The following LIN28B variants were observed in gnomAD, a reference collection of about 807,000 sequenced individuals.
LIN28B encodes lin-28 RNA binding posttranscriptional regulator B.
Under a neutral mutation model 21.9 loss-of-function variants are expected in LIN28B, and 5 were observed. That is an observed-to-expected ratio of 0.23 (90% CI 0.12 to 0.48). LIN28B has a LOEUF of 0.48. Ranked by LOEUF, LIN28B falls within the 20% of genes least tolerant of loss-of-function variation. The pLI is 0.98. For missense variants in LIN28B, 245 were observed against 310.5 expected (o/e 0.79, Z 1.58); for synonymous variants, 109 against 111.3 (o/e 0.98, Z 0.13).
intron 2 of LIN28B, among the ~76,000 whole-genome samples, chr6:105,010,493 T>G (rs944134429): frequency 6.6e-5 from 10 of 152,214 alleles, no homozygotes; most frequent in Non-Finnish European, 1.2e-4. Flanking sequence ...TTTTCTAATA[T>G]TTTTAAAATT....
intron 3 of LIN28B, among the ~76,000 whole-genome samples, chr6:105,032,387 T>G (rs945777584): frequency 2.0e-5 from 3 of 152,148 alleles, no homozygotes; most frequent in Admixed American, 1.3e-4. Context: ...TATGTGAGAG[T>G]TCGAACTGCC....
At chr6:105,067,848 C>G (rs1055441941) in intron 3 of LIN28B, among the ~76,000 whole-genome samples, 1 of 151,980 alleles carries the variant, frequency 6.6e-6, no homozygotes, top group Non-Finnish European at 1.5e-5. Flanking sequence ...ATTGAAGTAC[C>G]CTTATATGAA....
At chr6:105,040,944 T>C (rs1771620177) in intron 3 of LIN28B, among the ~76,000 whole-genome samples, 1 of 152,154 alleles carries the variant, frequency 6.6e-6, no homozygotes, top group Non-Finnish European at 1.5e-5. Flanking sequence ...GTTCTCTCAC[T>C]CTGGTTGCCC....
intron 2 of LIN28B, among the ~76,000 whole-genome samples, chr6:104,978,284 T>C (rs59748651): frequency 0.022 from 3,415 of 152,296 alleles, 151 homozygotes; most frequent in African/African-American, 0.079. Context: ...AATTCTCTTT[T>C]TAAGTCCAAA....
At chr6:105,024,164 A>AT (rs1378305202) in intron 2 of LIN28B, among the ~76,000 whole-genome samples, 4 of 151,720 alleles carry the variant, frequency 2.6e-5, no homozygotes, top group Admixed American at 6.6e-5. Flanking sequence ...AATTTTTTGT[A>AT]TTTTTTTAGT....
intron 3 of LIN28B, among the ~76,000 whole-genome samples, chr6:105,066,623 A>G (rs769942415): frequency 6.6e-6 from 1 of 152,322 alleles, no homozygotes; most frequent in African/African-American, 2.4e-5. Context: ...TCACTATTTT[A>G]TAGTCCTTAT....
intron 2 of LIN28B, among the ~76,000 whole-genome samples, chr6:104,959,172 T>TA (rs947895089): frequency 2.0e-5 from 3 of 152,136 alleles, no homozygotes; most frequent in African/African-American, 7.2e-5. Flanking sequence ...CCCTTTATAG[T>TA]AAAAAAGATA....
intron 2 of LIN28B, among the ~76,000 whole-genome samples, chr6:105,024,369 C>T (rs1228475637): frequency 6.6e-6 from 1 of 152,048 alleles, no homozygotes; most frequent in African/African-American, 2.4e-5. Flanking sequence ...TTTCTTTGTT[C>T]TCATAATTTC....
At chr6:105,062,868 AT>A (rs1318604687) in intron 3 of LIN28B, among the ~76,000 whole-genome samples, 2 of 151,986 alleles carry the variant, frequency 1.3e-5, no homozygotes, top group African/African-American at 4.8e-5. Context: ...GATCAATTTG[AT>A]TGATTTTTTT....
chr6:104,970,945 T>A lies in LIN28B; in HGVS notation c.198+12659T>A, dbSNP rs147877215. 8.5e-3 allele frequency among the ~76,000 whole-genome samples: 1,299 copies of A among 152,282 alleles called. 18 individuals carry two copies. The highest frequency in any genetic ancestry group is 0.03 in the African/African-American group (1,240 of 41,570). On this transcript the variant is annotated intron_variant, in intron 2 of 3. Coordinates refer to ENST00000345080, the MANE Select transcript of LIN28B (RefSeq NM_001004317.4). ...ATAAAGTTAAATGAGGATAAGTGTT[T>A]GATGCTTATTCCTAATTTGGTGACT...
intron 3 of LIN28B, among the ~76,000 whole-genome samples, chr6:105,072,218 T>G (rs2114418014): frequency 6.6e-6 from 1 of 152,264 alleles, no homozygotes; most frequent in East Asian, 1.9e-4. Context: ...GAAGTGAAAT[T>G]TAATTGCTTT....
chr6:105,012,415 G>C lies in LIN28B; in HGVS notation c.199-13883G>C, dbSNP rs181995040. On this transcript the variant is annotated intron_variant, in intron 2 of 3. Coordinates refer to ENST00000345080, the MANE Select transcript of LIN28B (RefSeq NM_001004317.4). ...ACCCGGGAGGTGGAGGTTGCAGTGA[G>C]CTGAGATCACACCATTGCACTCCAG... Among the ~76,000 whole-genome samples, 455 of 151,798 alleles carry C rather than the reference G, an allele frequency of 3.0e-3. 3 individuals are homozygous for C. The highest frequency in any genetic ancestry group is 0.01 in the African/African-American group (422 of 41,378).
intron 2 of LIN28B, among the ~76,000 whole-genome samples, chr6:105,011,774 C>G (rs965218830): frequency 8.6e-5 from 13 of 151,872 alleles, no homozygotes; most frequent in African/African-American, 3.1e-4. Flanking sequence ...AAACCCGGGA[C>G]GTGGAGGTTG....
At chr6:105,012,787 A>G (rs1434084912) in intron 2 of LIN28B, among the ~76,000 whole-genome samples, 1 of 152,170 alleles carries the variant, frequency 6.6e-6, no homozygotes, top group Admixed American at 6.6e-5. Context: ...ATTTGCACAC[A>G]AGTCTTTGTG....
chr6:104,970,974 T>G (rs1373905721), intron 2 of LIN28B, among the ~76,000 whole-genome samples: 1 of 152,156 alleles, frequency 6.6e-6, no homozygotes, highest in Non-Finnish European at 1.5e-5. Context: ...GGTGACTTAG[T>G]CATGATGCTC....
chr6:104,946,252 A>G (rs2114546852), intron 2 of LIN28B, among the ~76,000 whole-genome samples: 1 of 152,156 alleles, frequency 6.6e-6, no homozygotes, highest in South Asian at 2.1e-4. Context: ...ATGTGTAACT[A>G]TTTCTCTTAC....
intron 3 of LIN28B, among the ~76,000 whole-genome samples, chr6:105,051,702 G>A (rs998367476): frequency 6.7e-6 from 1 of 149,356 alleles, no homozygotes; most frequent in African/African-American, 2.5e-5. Flanking sequence ...TTGTAATCCT[G>A]TGCAGTTATC....
chr6:105,063,632 T>A (rs1772165455), intron 3 of LIN28B, among the ~76,000 whole-genome samples: 2 of 91,686 alleles, frequency 2.2e-5, no homozygotes. Flanking sequence ...CAAGACTCCA[T>A]CTCGGGGGGG....
Position 104,968,835 on chromosome 6 carries a change from C to T in LIN28B, c.198+10549C>T, listed in dbSNP as rs200784499. 6.6e-5 allele frequency among the ~76,000 whole-genome samples: 10 copies of T among 151,986 alleles called. No homozygotes were observed. The East Asian group carries it at 1.7e-3, about 26-fold the overall frequency. ...AAATGAATTGTCTTTATCCTTAGTT[C>T]AGTCTGTAACAAAAGTCTGGCAACA... On this transcript the variant is annotated intron_variant, in intron 2 of 3. Coordinates refer to ENST00000345080, the MANE Select transcript of LIN28B (RefSeq NM_001004317.4).
Sources: allele counts gnomAD v4.1 joint callset (sites outside exome capture counted in the v4.1 genomes callset), GRCh38; gene constraint gnomAD v4.1.1; transcripts MANE v1.5; gene names NCBI Gene and HGNC (gene_info 2026-07-23, HGNC 2026-07-21).